Variants in LGR4 observed in about 807,000 individuals in gnomAD.
The protein encoded by LGR4 is leucine-rich repeat-containing G protein-coupled receptor 4.
A neutral mutation model predicts 84.8 loss-of-function variants in LGR4; 44 were observed. The ratio of observed to expected loss-of-function variants is 0.52; its 90% CI spans 0.41 to 0.67. LGR4 has a LOEUF of 0.67. LGR4 is among the 30% of genes least tolerant of loss of function. LGR4 has a pLI of 0.00. For synonymous variants in LGR4, 429 were observed against 434.3 expected (o/e 0.99, Z 0.15); for missense variants, 1,032 against 1,131.4 (o/e 0.91, Z 1.26).
Position 27,368,114 on chromosome 11 carries a change from A to G in LGR4, c.2609T>C (p.Val870Ala). 6.2e-7 allele frequency: 1 copy of G among 1,614,178 alleles called. No homozygotes were observed. The highest frequency in any genetic ancestry group is 8.5e-7 in the Non-Finnish European group (1 of 1,180,032). Residue 870 changes from valine to alanine, a missense_variant, in exon 18 of 18, where the codon GTA (valine) becomes GCA (alanine). Physicochemically the swap from Val to Ala is moderately conservative, Grantham distance 64 (BLOSUM62 0). Coordinates refer to ENST00000379214, the MANE Select transcript of LGR4 (RefSeq NM_018490.5). The part of the protein sequence containing the change: ...CCESFLLTKP[V>A]SCKHLIKSHS... ...TGATTTTATCAAGTGTTTGCATGAT[A>G]CTGGCTTTGTTAAAAGAAACGATTC...
chr11:27,435,287 T>G lies in LGR4; in HGVS notation c.186-22427A>C, dbSNP rs144800775. 2.0e-3 allele frequency among the ~76,000 whole-genome samples: 301 copies of G among 151,704 alleles called. 2 individuals are homozygous for G. Among genetic ancestry groups the G allele is most frequent in the African/African-American group, 7.0e-3 (289 of 41,392 alleles). ...AGCAGAGGCTGCAGTGAGCTGAGAT[T>G]ACACCACTATACTCCAGCCTGGGCA... On this transcript the variant is annotated intron_variant, in intron 1 of 17. Transcript: ENST00000379214.
At position 27,374,923 on chromosome 11, in the gene LGR4, T is replaced by C. The variant is rs528412252; in HGVS notation, c.1182-877A>G. 7.8e-4 allele frequency among the ~76,000 whole-genome samples: 118 copies of C among 152,250 alleles called. 1 individual carries two copies. Among genetic ancestry groups the C allele is most frequent in the African/African-American group, 2.6e-3 (110 of 41,560 alleles). On this transcript the variant is annotated intron_variant, in intron 13 of 17. Coordinates refer to ENST00000379214, the MANE Select transcript of LGR4 (RefSeq NM_018490.5). ...CATGTCATATTTCTTAAAGGGGATA[T>C]ACTAAAAAACTGTATTCAATATATG... is the stretch of plus-strand genomic sequence containing the variant.
chr11:27,414,675 T>C (rs1863777965), intron 1 of LGR4, among the ~76,000 whole-genome samples: 1 of 152,116 alleles, frequency 6.6e-6, no homozygotes. Context: ...GTGATCATTA[T>C]CCCTGGGGGA....
intron 1 of LGR4, among the ~76,000 whole-genome samples, chr11:27,427,266 G>A (rs1030057353): frequency 2.0e-5 from 3 of 152,182 alleles, no homozygotes; most frequent in Admixed American, 6.5e-5. Context: ...GGCATGATGA[G>A]CAAAACATTC....
At chr11:27,375,482 G>A (rs1159133758) in intron 13 of LGR4, among the ~76,000 whole-genome samples, 10 of 152,052 alleles carry the variant, frequency 6.6e-5, no homozygotes, top group East Asian at 3.9e-4. Context: ...TTTTAAGTAA[G>A]TGCTTCTGTG....
At chr11:27,452,653 A>T (rs1864502954) in intron 1 of LGR4, among the ~76,000 whole-genome samples, 3 of 128,250 alleles carry the variant, frequency 2.3e-5, no homozygotes, top group African/African-American at 9.2e-5. Flanking sequence ...TTTGAGACAG[A>T]GTCTCTGTCG....
rs553336577 is a variant in LGR4, at chr11:27,459,378, A to G, written c.185+12740T>C. On this transcript the variant is annotated intron_variant, in intron 1 of 17. Transcript: ENST00000379214. Reference sequence around the variant, plus strand: ...ATGGATGTCATTACTTCCTCTGCCAACGTCATAAATCTTCTTATCCTTGGA... The same window carrying G: ...ATGGATGTCATTACTTCCTCTGCCAGCGTCATAAATCTTCTTATCCTTGGA... Among the ~76,000 whole-genome samples the G allele has an allele frequency of 1.0e-3, 154 of 152,262 alleles. 1 individual carries two copies. The highest frequency in any genetic ancestry group is 3.4e-3 in the African/African-American group (142 of 41,552).
intron 1 of LGR4, among the ~76,000 whole-genome samples, chr11:27,462,825 T>C (rs959169377): frequency 2.0e-5 from 3 of 151,750 alleles, no homozygotes. Context: ...AGCTCTACAA[T>C]GCCCTCCTGA....
At chr11:27,417,624 C>A (rs1486002970) in intron 1 of LGR4, among the ~76,000 whole-genome samples, 1 of 152,096 alleles carries the variant, frequency 6.6e-6, no homozygotes, top group African/African-American at 2.4e-5. Context: ...TTCTCCCCAC[C>A]TTTTTATGAT....
chr11:27,423,398 C>T (rs1053306181), intron 1 of LGR4, among the ~76,000 whole-genome samples: 2 of 152,214 alleles, frequency 1.3e-5, no homozygotes, highest in African/African-American at 2.4e-5. Flanking sequence ...GCAATCACTT[C>T]GCCTCAGGCG....
intron 1 of LGR4, among the ~76,000 whole-genome samples, chr11:27,452,352 C>T (rs1360424144): frequency 6.6e-6 from 1 of 152,150 alleles, no homozygotes; most frequent in Non-Finnish European, 1.5e-5. Context: ...CAACATCTTA[C>T]ATAACCATAA....
intron 2 of LGR4, among the ~76,000 whole-genome samples, chr11:27,404,207 G>A (rs1049797827): frequency 1.3e-5 from 2 of 152,060 alleles, no homozygotes; most frequent in South Asian, 2.1e-4. Context: ...CATTTGCCTC[G>A]CTACACTTTT....
At chr11:27,404,212 A>T (rs1451867219) in intron 2 of LGR4, among the ~76,000 whole-genome samples, 1 of 152,190 alleles carries the variant, frequency 6.6e-6, no homozygotes, top group Non-Finnish European at 1.5e-5. Flanking sequence ...GCCTCGCTAC[A>T]CTTTTGGAAC....
chr11:27,429,402 G>A (rs1487102472), intron 1 of LGR4, among the ~76,000 whole-genome samples: 3 of 151,602 alleles, frequency 2.0e-5, no homozygotes, highest in African/African-American at 4.9e-5. Context: ...GCAGAATCAC[G>A]AACCCTGGAG....
At chr11:27,430,605 C>G (rs2133420436) in intron 1 of LGR4, among the ~76,000 whole-genome samples, 1 of 152,248 alleles carries the variant, frequency 6.6e-6, no homozygotes, top group South Asian at 2.1e-4. Context: ...ACAGTGCATT[C>G]CTCCAGCTCA....
intron 2 of LGR4, among the ~76,000 whole-genome samples, chr11:27,409,673 T>A (rs1159057292): frequency 6.6e-6 from 1 of 152,152 alleles, no homozygotes; most frequent in Non-Finnish European, 1.5e-5. Flanking sequence ...CATTTTTCCA[T>A]ATGTACCCTT....
chr11:27,408,808 C>T (rs1863658592), intron 2 of LGR4, among the ~76,000 whole-genome samples: 1 of 152,058 alleles, frequency 6.6e-6, no homozygotes, highest in Non-Finnish European at 1.5e-5. Context: ...TTTCTCACGG[C>T]GACATAGCAT....
At position 27,457,004 on chromosome 11, in the gene LGR4, T is replaced by C. The variant is rs1864586596; in HGVS notation, c.185+15114A>G. 1.3e-5 allele frequency among the ~76,000 whole-genome samples: 2 copies of C among 152,170 alleles called. 1 individual carries two copies. The highest frequency in any genetic ancestry group is 1.3e-4 in the Admixed American group (2 of 15,274). The stretch of plus-strand genomic sequence containing the variant: ...ACCATTTTGTTTCTCATTTCACCTG[T>C]TCCTCTTCTGATAAATTGTCAAATA... On this transcript the variant is annotated intron_variant, in intron 1 of 17. Coordinates refer to ENST00000379214, the MANE Select transcript of LGR4 (RefSeq NM_018490.5).
intron 2 of LGR4, among the ~76,000 whole-genome samples, chr11:27,399,768 C>T (rs1054632351): frequency 6.6e-5 from 10 of 152,160 alleles, no homozygotes; most frequent in African/African-American, 2.2e-4. Context: ...ATCCACCTGC[C>T]TCGGCCTCCC....
Sources: allele counts gnomAD v4.1 joint callset (sites outside exome capture counted in the v4.1 genomes callset), GRCh38; gene constraint gnomAD v4.1.1; transcripts MANE v1.5; gene names NCBI Gene and HGNC (gene_info 2026-07-23, HGNC 2026-07-21).